The following ZNF519 variants were observed in gnomAD, a reference collection of about 807,000 sequenced individuals.
ZNF519 encodes the protein zinc finger protein 519.
In ZNF519, 7 loss-of-function variants were observed where a neutral mutation model predicts 7.4. The observed-to-expected ratio is 0.94, with a 90% CI of 0.54 to 1.77. ZNF519 has a LOEUF of 1.77. ZNF519 is among the 40% of genes most tolerant of loss of function. The probability of loss-of-function intolerance (pLI) is 0.00; values close to 1 mark genes in which losing one functional copy is unlikely to be tolerated. For missense variants in ZNF519, 586 were observed against 623.1 expected, an observed-to-expected ratio of 0.94 and a Z score of 0.63; for synonymous variants, 179 against 203.3, an observed-to-expected ratio of 0.88 and a Z score of 1.02.
chr18:14,104,706 T>A lies in ZNF519; in HGVS notation c.*211A>T. The A allele has an allele frequency of 2.3e-6, 1 of 438,276 alleles. No homozygotes were observed. Among genetic ancestry groups the A allele is most frequent in the Admixed American group, 3.9e-5 (1 of 25,956 alleles). 27.1% of individuals were successfully genotyped at this position (438,276 alleles called of 1,614,324 possible). On this transcript the variant is annotated 3_prime_UTR_variant, in exon 3 of 3. Transcript: ENST00000590202. The stretch of plus-strand genomic sequence containing the variant: ...CTAATTGAGTTTGAATTATTTGTTA[T>A]AATAAACACACTGATTCAGAGTAAT...
chr18:14,120,041 G>A (rs1384760911), intron 2 of ZNF519, among the ~76,000 whole-genome samples: 1 of 151,988 alleles, frequency 6.6e-6, no homozygotes, highest in Non-Finnish European at 1.5e-5. Context: ...AACAGTAATA[G>A]AAAATAAAAT....
In ZNF519 at chr18:14,091,921, T is replaced by C. The variant is rs577366867; in HGVS notation, c.131-6845A>G. Among the ~76,000 whole-genome samples the C allele has an allele frequency of 1.4e-4, 22 of 151,978 alleles. No individual in the cohort carries two copies. In the South Asian group the frequency reaches 4.6e-3, roughly 32 times the overall value. ...TGTGAGAACCAGCCTGAGGTCAGAG[T>C]GGCTTGAATTCAGTGAACGATGGCC... On this transcript the variant is annotated intron_variant and NMD_transcript_variant, in intron 2 of 4. Coordinates refer to the ZNF519 transcript ENST00000587419.
chr18:14,101,578 A>C lies in ZNF519; in HGVS notation c.*3339T>G, dbSNP rs2046161472. The C allele has an allele frequency of 2.5e-6, 1 of 398,180 alleles. No individual in the cohort carries two copies. Among genetic ancestry groups the C allele is most frequent in the East Asian group, 3.6e-5 (1 of 28,066 alleles). The allele number at this position is 398,180 out of a possible 1,614,324, so 24.7% of individuals were successfully genotyped here. On this transcript the variant is annotated 3_prime_UTR_variant, in exon 3 of 3. Transcript: ENST00000590202. ...GTCACTCAATAGGGAAAGCCAAGGC[A>C]CAAAGTCCTGTGAGTCATCAAGGTG...
chr18:14,114,805 A>G (rs2046237868), intron 2 of ZNF519, among the ~76,000 whole-genome samples: 1 of 152,172 alleles, frequency 6.6e-6, no homozygotes, highest in Admixed American at 6.5e-5. Flanking sequence ...ACGTAATTAG[A>G]TTGTAAACAA....
chr18:14,108,879 T>C (rs975904353), intron 2 of ZNF519, among the ~76,000 whole-genome samples: 3 of 151,926 alleles, frequency 2.0e-5, no homozygotes, highest in Non-Finnish European at 4.4e-5. Flanking sequence ...TCACCTGAGG[T>C]TGGGAGTTTG....
At chr18:14,129,998 A>G (rs1222648191) in intron 1 of ZNF519, among the ~76,000 whole-genome samples, 1 of 152,146 alleles carries the variant, frequency 6.6e-6, no homozygotes, top group Non-Finnish European at 1.5e-5. Context: ...TAATTCTGCT[A>G]AATAGCTGTG....
At position 14,103,511 on chromosome 18, in the gene ZNF519, C is replaced by G. The variant is rs548827158; in HGVS notation, c.*1406G>C. On this transcript the variant is annotated 3_prime_UTR_variant, in exon 3 of 3. Coordinates refer to ENST00000590202, the MANE Select transcript of ZNF519 (RefSeq NM_145287.4). ...AAATGAAAATGAAGTTATGACATAT[C>G]GAAACATGAGATGCAGCAAACTGTT... 1 of 151,920 alleles carries G rather than the reference C, an allele frequency of 6.6e-6. No individual in the cohort carries two copies. The highest frequency in any genetic ancestry group is 2.1e-4 in the South Asian group (1 of 4,822). The allele number at this position is 151,920 out of a possible 1,614,324, so 9.4% of individuals were successfully genotyped here. A position where few individuals can be genotyped will look rare whatever the true frequency, so the allele number is the denominator to read the frequency against.
rs1178261102 is a variant in ZNF519 at position 14,104,200 on chromosome 18, T to C, written c.*717A>G. The C allele has an allele frequency of 1.3e-5, 2 of 152,216 alleles. No homozygotes were observed. Among genetic ancestry groups the C allele is most frequent in the African/African-American group, 4.8e-5 (2 of 41,464 alleles). The allele number at this position is 152,216 out of a possible 1,614,324, so 9.4% of individuals were successfully genotyped here. A position where few individuals can be genotyped will look rare whatever the true frequency, so the allele number is the denominator to read the frequency against. On this transcript the variant is annotated 3_prime_UTR_variant, in exon 3 of 3. Coordinates refer to ENST00000590202, the MANE Select transcript of ZNF519 (RefSeq NM_145287.4). ...CTATGAAGATACATTAGAATATTAA[T>C]GGACTAGCAAGACCTTTTAATGGGT...
downstream of ZNF519, chr18:14,074,966 T>C (rs558017799): frequency 1.3e-5 from 2 of 152,246 alleles, no homozygotes; most frequent in East Asian, 3.9e-4. Context: ...TTAACAAACT[T>C]TCAGTTCCAC....
At chr18:14,113,529 C>T (rs559015534) in intron 2 of ZNF519, among the ~76,000 whole-genome samples, 1 of 152,268 alleles carries the variant, frequency 6.6e-6, no homozygotes, top group Admixed American at 6.5e-5. Flanking sequence ...GGTGTGCATC[C>T]TTCACTTTGG....
At chr18:14,076,383 AGAAATGAT>A (rs1346776322) in exon 5 of ZNF519, 2 of 152,202 alleles carry the variant, frequency 1.3e-5, no homozygotes, top group Non-Finnish European at 2.9e-5. Flanking sequence ...TATGGAATGC[AGAAATGAT>A]TTCATACTGG....
chr18:14,085,354 C>A (rs1434424021), intron 2 of ZNF519, among the ~76,000 whole-genome samples: 1 of 151,780 alleles, frequency 6.6e-6, no homozygotes, highest in African/African-American at 2.4e-5. Flanking sequence ...ATATTGAAAG[C>A]CCTTAAAATA....
intron 1 of ZNF519, among the ~76,000 whole-genome samples, chr18:14,130,534 G>A (rs1295415840): frequency 6.6e-6 from 1 of 152,078 alleles, no homozygotes; most frequent in Non-Finnish European, 1.5e-5. Flanking sequence ...CTGGAACAGG[G>A]ACATATGACT....
rs780972114 is a variant in ZNF519, at chr18:14,104,975, C to T, written c.1565G>A (p.Gly522Asp). Reference sequence around the variant, plus strand: ...GGTTGAGCGTCTGTTAAAAGCTTTGCCACATTCTTTACATTTGAAAGGTTT... The same window carrying T: ...GGTTGAGCGTCTGTTAAAAGCTTTGTCACATTCTTTACATTTGAAAGGTTT... ...GEKPFKCKEC[G>D]KAFNRRSTLT... The change falls in exon 3 of 3, where the codon GGC (glycine) becomes GAC (aspartate). Residue 522 changes from glycine to aspartate, a missense_variant. Coordinates refer to ENST00000590202, the MANE Select transcript of ZNF519 (RefSeq NM_145287.4). 3.8e-6 allele frequency: 6 copies of T among 1,596,858 alleles called. No homozygotes were observed. Among genetic ancestry groups the T allele is most frequent in the South Asian group, 1.1e-5 (1 of 87,498 alleles).
rs2046184613 is a variant in ZNF519, at chr18:14,105,438, T to C, written c.1102A>G (p.Arg368Gly). ...AAAGGTTTCTCTCCGGTATGGATTCTCTGGTGTTGAGTAAGGTATGACCCC... is the reference window on the plus strand; with the variant it reads ...AAAGGTTTCTCTCCGGTATGGATTCCCTGGTGTTGAGTAAGGTATGACCCC... The part of the protein sequence containing the change: ...NRGSYLTQHQ[R>G]IHTGEKPFRC... The change falls in exon 3 of 3, where the codon AGA becomes GGA. Residue 368 changes from arginine to glycine, a missense_variant. Coordinates refer to ENST00000590202, the MANE Select transcript of ZNF519 (RefSeq NM_145287.4). The C allele has an allele frequency of 1.2e-6, 2 of 1,614,004 alleles. No individual in the cohort carries two copies. The highest frequency in any genetic ancestry group is 1.7e-6 in the Non-Finnish European group (2 of 1,179,972).
chr18:14,105,761 G>T lies in ZNF519; in HGVS notation c.779C>A (p.Thr260Asn). The T allele has an allele frequency of 6.2e-7, 1 of 1,613,790 alleles. No homozygotes were observed. Among genetic ancestry groups the T allele is most frequent in the Non-Finnish European group, 8.5e-7 (1 of 1,179,928 alleles). ...TTTATATTTCACTGATTTTTCTCCA[G>T]TGTTAATTATCTTATGTCCCTTTAG... ...SHLKGHKIIN[T>N]GEKSVKYKER... The change falls in exon 3 of 3, where the codon ACT (threonine) becomes AAT (asparagine). Residue 260 changes from threonine (T) to asparagine (N), a missense_variant. Physicochemically the swap from Thr to Asn is moderately conservative, Grantham distance 65. Coordinates refer to ENST00000590202, the MANE Select transcript of ZNF519 (RefSeq NM_145287.4).
At chr18:14,112,293 C>T (rs1423298847) in intron 2 of ZNF519, among the ~76,000 whole-genome samples, 2 of 151,988 alleles carry the variant, frequency 1.3e-5, no homozygotes, top group African/African-American at 4.8e-5. Context: ...CAGAAACCCT[C>T]AAAACTATAG....
At chr18:14,114,551 T>A (rs79322682) in intron 2 of ZNF519, among the ~76,000 whole-genome samples, 3,359 of 152,270 alleles carry the variant, frequency 0.022, 126 homozygotes, top group African/African-American at 0.074. Flanking sequence ...AAATACTATG[T>A]TTCCTCCAGT....
chr18:14,077,247 T>C (rs2046051058), exon 5 of ZNF519: 1 of 152,274 alleles, frequency 6.6e-6, no homozygotes. Context: ...GGCTCACTGA[T>C]TATTTCCTCC....
Sources: gnomAD v4.1 joint callset for allele counts (sites outside exome capture counted in the v4.1 genomes callset) on GRCh38, gnomAD v4.1.1 for gene constraint, MANE v1.5 for transcripts, NCBI Gene and HGNC (gene_info 2026-07-23, HGNC 2026-07-21) for gene names.